MCM8: variants seen among roughly 807,000 people sequenced by gnomAD.
The protein encoded by MCM8 is DNA helicase MCM8.
MCM8 carries 85 observed loss-of-function variants against 98.9 expected under a neutral mutation model. The observed-to-expected ratio is 0.86, with a 90% CI of 0.72 to 1.03. The LOEUF (loss-of-function observed/expected upper bound fraction) is 1.03, where lower values mean the gene tolerates loss of function less well. Among genes scored for constraint, MCM8 ranks in the 50% least tolerant of loss-of-function variants. The probability of loss-of-function intolerance (pLI) is 0.00; values close to 1 mark genes in which losing one functional copy is unlikely to be tolerated. For missense variants in MCM8, 951 were observed against 997.8 expected, an observed-to-expected ratio of 0.95 and a Z score of 0.63; for synonymous variants, 352 against 338.6, an observed-to-expected ratio of 1.04 and a Z score of -0.44.
In MCM8 at chr20:5,984,799, A is replaced by G. The variant is rs368361692; in HGVS notation, c.1752A>G (p.Leu584=). The G allele has an allele frequency of 8.7e-6, 14 of 1,613,324 alleles. No homozygotes were observed. The highest frequency in any genetic ancestry group is 1.7e-4 in the Middle Eastern group (1 of 6,058). ...TTCATAGAATGGGGAGTGCACTACT[A>G]TCCAGATTTGATTTGGTCTTTATCC... The part of the protein sequence containing the change: ...SENLKMGSAL[L]SRFDLVFILL... Residue 584 remains leucine, a synonymous_variant, in exon 15 of 19, where the codon CTA becomes CTG. Coordinates refer to ENST00000610722, the MANE Select transcript of MCM8 (RefSeq NM_032485.6).
intron 17 of MCM8, among the ~76,000 whole-genome samples, chr20:5,992,960 G>A (rs576688695): frequency 8.5e-4 from 130 of 152,230 alleles, no homozygotes; most frequent in African/African-American, 2.2e-4. Flanking sequence ...TATCAAGTAC[G>A]TACTTCTTTC....
rs2089054075 is a variant in MCM8, at chr20:5,958,679, A to G, written c.742A>G (p.Ile248Val). ...MAFLCAACGE[I>V]QSFPLPDGKY... ...TTTTCTTTGTGCTGCATGTGGAGAAATTCAGAGCTTTCCTCTTCCAGATGG... is the reference window on the plus strand; with the variant it reads ...TTTTCTTTGTGCTGCATGTGGAGAAGTTCAGAGCTTTCCTCTTCCAGATGG... Residue 248 changes from isoleucine (I) to valine (V), a missense_variant, in exon 7 of 19, where the codon ATT becomes GTT. Physicochemically the swap from Ile to Val is conservative, Grantham distance 29. Transcript: ENST00000610722. 6.2e-7 allele frequency: 1 copy of G among 1,614,186 alleles called. No homozygotes were observed. The highest frequency in any genetic ancestry group is 2.2e-5 in the East Asian group (1 of 44,868).
rs773929876 is a variant in MCM8 at position 5,985,943 on chromosome 20, G to T, written c.1975G>T (p.Asp659Tyr). The change falls in exon 16 of 19, where the codon GAT becomes TAT. Residue 659 changes from aspartate (D) to tyrosine (Y), a missense_variant. Transcript: ENST00000610722. ...RLKVVPGETIDPIPHQLLRKY... is the reference protein window; with the variant it reads ...RLKVVPGETIYPIPHQLLRKY... ...TCAGGTGGTTCCTGGAGAAACAATA[G>T]ATCCCATTCCCCACCAGCTATTGAG... The T allele has an allele frequency of 6.2e-7, 1 of 1,614,176 alleles. No homozygotes were observed. Among genetic ancestry groups the T allele is most frequent in the South Asian group, 1.1e-5 (1 of 91,086 alleles).
rs151250840 is a variant in MCM8, at chr20:5,972,423, G to A, written c.1254+386G>A. 8.9e-3 allele frequency among the ~76,000 whole-genome samples: 1,359 copies of A among 152,146 alleles called. 15 individuals are homozygous for A. Among genetic ancestry groups the A allele is most frequent in the African/African-American group, 0.029 (1,187 of 41,488 alleles). ...GGGTTTTGCCATGTTGCCCACGCTG[G>A]TCTGTAAGTCCTGGCCTCAAGTGAT... On this transcript the variant is annotated intron_variant, in intron 11 of 18. Coordinates refer to ENST00000610722, the MANE Select transcript of MCM8 (RefSeq NM_032485.6).
rs758221833 is a variant in MCM8, at chr20:5,954,618, T to A, written c.264T>A (p.Asp88Glu). Residue 88 changes from aspartate to glutamate, a missense_variant, in exon 4 of 19, where the codon GAT becomes GAA. Asp to Glu is a conservative substitution (Grantham distance 45, BLOSUM62 2). Coordinates refer to ENST00000610722, the MANE Select transcript of MCM8 (RefSeq NM_032485.6). ...WKLYFSEVYS[D>E]SSPLIEKIQA... ...TATTTGTTGGATTAGTTTACAGCGA[T>A]AGCTCTCCTTTGATTGAGAAGATTC... is the stretch of plus-strand genomic sequence containing the variant. The A allele has an allele frequency of 6.2e-7, 1 of 1,605,078 alleles. No homozygotes were observed. Among genetic ancestry groups the A allele is most frequent in the South Asian group, 1.1e-5 (1 of 90,754 alleles).
chr20:5,958,434 T>G, intron 6 of MCM8, 94 bp from the exon 7 acceptor site: 1 of 899,708 alleles, frequency 1.1e-6, no homozygotes, highest in African/African-American at 1.7e-5. Context: ...AAGGGATGAT[T>G]TGATTTGAGA....
chr20:5,969,068 A>T (rs1600268155), intron 10 of MCM8, among the ~76,000 whole-genome samples: 2 of 152,162 alleles, frequency 1.3e-5, no homozygotes, highest in African/African-American at 4.8e-5. Context: ...CTTTATTTGT[A>T]TCACCTTAAA....
chr20:5,976,349 A>G (rs1160943330), intron 12 of MCM8, among the ~76,000 whole-genome samples: 1 of 152,204 alleles, frequency 6.6e-6, no homozygotes, highest in Non-Finnish European at 1.5e-5. Flanking sequence ...CATGCGAGTT[A>G]TAGAGAAACG....
rs558384798 is a variant in MCM8, at chr20:5,959,544, T to TG, written c.789+819dup. Among the ~76,000 whole-genome samples, 10 of 152,306 alleles carry TG rather than the reference T, an allele frequency of 6.6e-5. No individual in the cohort carries two copies. The South Asian group carries it at 1.9e-3, about 28-fold the overall frequency. Reference sequence around the variant, plus strand: ...TTTCATTTTTACTATTGTGGAGTGTTGCTTTAAATAAATAGCCACAATTTA... The same window carrying TG: ...TTTCATTTTTACTATTGTGGAGTGTTGGCTTTAAATAAATAGCCACAATTTA... On this transcript the variant is annotated intron_variant, in intron 7 of 18. Transcript: ENST00000610722.
At chr20:5,975,964 A>G (rs1278031422) in intron 12 of MCM8, among the ~76,000 whole-genome samples, 1 of 152,122 alleles carries the variant, frequency 6.6e-6, no homozygotes, top group African/African-American at 2.4e-5. Flanking sequence ...GTTAGTGGAA[A>G]TTAAACATCC....
intron 7 of MCM8, among the ~76,000 whole-genome samples, chr20:5,960,486 A>G (rs1293542844): frequency 6.6e-6 from 1 of 152,164 alleles, no homozygotes; most frequent in Non-Finnish European, 1.5e-5. Flanking sequence ...CATTCTAGAT[A>G]CTAATTATTG....
At chr20:5,992,026 A>G (rs528099211) in intron 17 of MCM8, among the ~76,000 whole-genome samples, 1 of 152,312 alleles carries the variant, frequency 6.6e-6, no homozygotes, top group Admixed American at 6.5e-5. Flanking sequence ...ATTTTAAAAA[A>G]CTAAATGCTT....
At chr20:5,970,012 C>T (rs764636621) in intron 10 of MCM8, among the ~76,000 whole-genome samples, 2 of 152,190 alleles carry the variant, frequency 1.3e-5, no homozygotes, top group Non-Finnish European at 2.9e-5. Context: ...TTTCCCCCTC[C>T]ATGTTTGTGA....
At chr20:5,951,924 T>A (rs1267906211) in intron 1 of MCM8, 87 bp from the exon 2 acceptor site, 5 of 1,427,180 alleles carry the variant, frequency 3.5e-6, no homozygotes, top group Non-Finnish European at 3.7e-6. Context: ...TAGAATACAT[T>A]AATTTTTCCC....
intron 3 of MCM8, among the ~76,000 whole-genome samples, chr20:5,953,072 C>G (rs2088875110): frequency 6.6e-6 from 1 of 152,214 alleles, no homozygotes; most frequent in Non-Finnish European, 1.5e-5. Context: ...GTGCTTGGAA[C>G]TGGAGGCTAG....
intron 17 of MCM8, among the ~76,000 whole-genome samples, chr20:5,992,297 T>C (rs1716880885): frequency 6.6e-6 from 1 of 152,192 alleles, no homozygotes; most frequent in African/African-American, 2.4e-5. Context: ...AGTTGCAGTT[T>C]TTGCCATAAG....
Position 5,994,695 on chromosome 20 carries a change from C to G in MCM8, c.*304C>G, listed in dbSNP as rs767396583. On this transcript the variant is annotated 3_prime_UTR_variant, in exon 19 of 19. Transcript: ENST00000610722. ...GAGAGGATTCCTTGAGGCCAGGGTT[C>G]GAGACCAACCTTGGGCAACATAGCA... 3 of 454,640 alleles carry G rather than the reference C, an allele frequency of 6.6e-6. No homozygotes were observed. Among genetic ancestry groups the G allele is most frequent in the Non-Finnish European group, 8.6e-6 (2 of 233,682 alleles). 28.2% of individuals were successfully genotyped at this position (454,640 alleles called of 1,614,324 possible). A position where few individuals can be genotyped will look rare whatever the true frequency, so the allele number is the denominator to read the frequency against.
At position 5,998,740 on chromosome 20, in the gene MCM8, A is replaced by C. The variant is rs1345112561; in HGVS notation, c.*4349A>C. ...CATACATCTGTATCTAAAGCACTCC[A>C]CCTGGGTCATGTACTATACTTAAAA... On this transcript the variant is annotated 3_prime_UTR_variant, in exon 19 of 19. Transcript: ENST00000610722. 2 of 152,210 alleles carry C rather than the reference A, an allele frequency of 1.3e-5. No individual in the cohort carries two copies. The highest frequency in any genetic ancestry group is 1.3e-4 in the Admixed American group (2 of 15,276). The allele number at this position is 152,210 out of a possible 1,614,324, so 9.4% of individuals were successfully genotyped here.
chr20:5,957,187 A>G lies in MCM8; in HGVS notation c.548A>G (p.Asn183Ser), dbSNP rs16991591. Reference protein sequence around the residue: ...AELQAQEGLSNDGETMVNVPH... With the variant: ...AELQAQEGLSSDGETMVNVPH... ...TTACAAGCCCAGGAAGGATTGTCTA[A>G]TGATGGAGAAACAATGGTAAATGTG... The change falls in exon 6 of 19, where the codon AAT becomes AGT. Residue 183 changes from asparagine to serine, a missense_variant. Physicochemically the swap from Asn to Ser is conservative, Grantham distance 46. Transcript: ENST00000610722. 5.9e-3 allele frequency: 9,572 copies of G among 1,613,648 alleles called. 261 individuals are homozygous for G. In the African/African-American group the frequency reaches 0.078, roughly 13 times the overall value.
Sources: gnomAD v4.1 joint callset for allele counts (sites outside exome capture counted in the v4.1 genomes callset) on GRCh38, gnomAD v4.1.1 for gene constraint, MANE v1.5 for transcripts, NCBI Gene and HGNC (gene_info 2026-07-23, HGNC 2026-07-21) for gene names.